Variants in KHDRBS2 observed in about 807,000 individuals in gnomAD.
KHDRBS2 encodes the protein KH domain-containing, RNA-binding, signal transduction-associated protein 2.
KHDRBS2 carries 26 observed loss-of-function variants against 44.3 expected under a neutral mutation model. That is an observed-to-expected ratio of 0.59 (90% CI 0.43 to 0.81). The LOEUF is 0.81. KHDRBS2 is among the 40% of genes least tolerant of loss of function. The pLI, the probability that KHDRBS2 is intolerant of heterozygous loss-of-function variation, is 0.00. For synonymous variants in KHDRBS2, 194 were observed against 151.1 expected, an observed-to-expected ratio of 1.28 and a Z score of -2.08; for missense variants, 476 against 433.1, an observed-to-expected ratio of 1.10 and a Z score of -0.88.
the KHDRBS2 span, among the ~76,000 whole-genome samples, chr6:61,660,214 G>T: frequency 1.3e-5 from 2 of 151,878 alleles, no homozygotes; most frequent in South Asian, 2.1e-4. Context: ...TTGTACAGGA[G>T]AATTTACGTG....
At chr6:61,709,772 T>C (rs1004077883) in intron 7 of KHDRBS2, among the ~76,000 whole-genome samples, 4 of 151,738 alleles carry the variant, frequency 2.6e-5, no homozygotes, top group African/African-American at 9.7e-5. Context: ...AACTGTTACA[T>C]GCTTTTGGTA....
chr6:61,720,878 C>G (rs1402088458), intron 7 of KHDRBS2, among the ~76,000 whole-genome samples: 2 of 150,760 alleles, frequency 1.3e-5, no homozygotes, highest in Admixed American at 6.6e-5. Flanking sequence ...AATGGTAATG[C>G]CTAGGTTTTC....
chr6:61,703,286 A>G (rs1768975276), intron 7 of KHDRBS2, among the ~76,000 whole-genome samples: 1 of 151,872 alleles, frequency 6.6e-6, no homozygotes, highest in African/African-American at 2.4e-5. Flanking sequence ...CATATTTTAA[A>G]AATTCATTTT....
At chr6:62,247,979 C>T (rs376216460) in intron 1 of KHDRBS2, among the ~76,000 whole-genome samples, 1 of 151,864 alleles carries the variant, frequency 6.6e-6, no homozygotes, top group Non-Finnish European at 1.5e-5. Flanking sequence ...GAATAGTAGT[C>T]GAAAACAAGT....
At chr6:62,004,894 C>G (rs749136157) in intron 3 of KHDRBS2, among the ~76,000 whole-genome samples, 1 of 152,018 alleles carries the variant, frequency 6.6e-6, no homozygotes, top group African/African-American at 2.4e-5. Flanking sequence ...ATCACATAAA[C>G]AGAACCAAAG....
chr6:61,732,653 A>T, intron 7 of KHDRBS2, 29 bp downstream of exon 7: 1 of 1,304,026 alleles, frequency 7.7e-7, no homozygotes. Flanking sequence ...TAATCCTGAG[A>T]AGGCTGCTTT....
rs547367039 is a variant in KHDRBS2, at chr6:61,954,529, T to C, written c.483+23537A>G. On this transcript the variant is annotated intron_variant, in intron 4 of 8. Transcript: ENST00000281156. ...ATATATATGAATATATACACATACATACGTATGTATACATATATATGTATA... is the reference window on the plus strand; with the variant it reads ...ATATATATGAATATATACACATACACACGTATGTATACATATATATGTATA... Among the ~76,000 whole-genome samples the C allele has an allele frequency of 1.3e-3, 196 of 147,922 alleles. 2 individuals are homozygous for C. The highest frequency in any genetic ancestry group is 4.6e-3 in the African/African-American group (185 of 40,482).
chr6:61,558,442 G>A, the KHDRBS2 span, among the ~76,000 whole-genome samples: 32,194 of 151,862 alleles, frequency 0.21, 3,677 homozygotes, highest in East Asian at 0.29. Context: ...CATGCCTATC[G>A]TTCCAGCCAC....
intron 6 of KHDRBS2, among the ~76,000 whole-genome samples, chr6:61,823,466 G>T (rs1485385817): frequency 2.0e-5 from 3 of 152,022 alleles, no homozygotes; most frequent in Non-Finnish European, 4.4e-5. Context: ...AGATTGGGAA[G>T]AATTTATCTG....
rs557320667 is a variant in KHDRBS2, at chr6:62,216,107, C to T, written c.92-38795G>A. Among the ~76,000 whole-genome samples, 4 of 151,572 alleles carry T rather than the reference C, an allele frequency of 2.6e-5. No homozygotes were observed. The South Asian group carries it at 6.3e-4, about 24-fold the overall frequency. On this transcript the variant is annotated intron_variant, in intron 1 of 8. Coordinates refer to ENST00000281156, the MANE Select transcript of KHDRBS2 (RefSeq NM_152688.4). ...CCCAACTAGATTCAACATTTTAATC[C>T]TTACTTAGCCAAAAGGTACATGAGT...
chr6:61,746,817 G>T (rs560973598), intron 6 of KHDRBS2, among the ~76,000 whole-genome samples: 1 of 152,000 alleles, frequency 6.6e-6, no homozygotes, highest in African/African-American at 2.4e-5. Flanking sequence ...CATAGGCATG[G>T]GTAAAGACTT....
the KHDRBS2 span, among the ~76,000 whole-genome samples, chr6:61,570,733 T>C: frequency 0.59 from 89,891 of 151,956 alleles, 26,791 homozygotes; most frequent in African/African-American, 0.61. Context: ...CTGCAGAAAC[T>C]TTACAGCTCA....
intron 4 of KHDRBS2, among the ~76,000 whole-genome samples, chr6:61,956,326 C>A (rs934356712): frequency 2.1e-4 from 32 of 152,144 alleles, no homozygotes; most frequent in African/African-American, 7.2e-4. Context: ...TTTCTGTGCA[C>A]CATCAACTAG....
chr6:62,094,447 A>G (rs1800133278), intron 2 of KHDRBS2, among the ~76,000 whole-genome samples: 1 of 151,924 alleles, frequency 6.6e-6, no homozygotes, highest in African/African-American at 2.4e-5. Flanking sequence ...CCCTTATCAA[A>G]CATATAGTTT....
chr6:61,771,073 A>G (rs1156680744), intron 6 of KHDRBS2, among the ~76,000 whole-genome samples: 1 of 152,196 alleles, frequency 6.6e-6, no homozygotes, highest in Non-Finnish European at 1.5e-5. Context: ...AGATTTTCAT[A>G]TCCAGCCAAA....
At chr6:62,277,080 A>G (rs961319980) in intron 1 of KHDRBS2, among the ~76,000 whole-genome samples, 1 of 152,196 alleles carries the variant, frequency 6.6e-6, no homozygotes, top group Non-Finnish European at 1.5e-5. Flanking sequence ...AATGGTAATA[A>G]TGATAAATCT....
chr6:62,094,832 C>T (rs1467918993), intron 2 of KHDRBS2, among the ~76,000 whole-genome samples: 2 of 151,754 alleles, frequency 1.3e-5, no homozygotes, highest in African/African-American at 4.8e-5. Flanking sequence ...TTCTCCTTTA[C>T]ACATACTTGG....
intron 1 of KHDRBS2, among the ~76,000 whole-genome samples, chr6:62,238,717 CACACACAT>C (rs1217000043): frequency 1.3e-5 from 2 of 151,706 alleles, no homozygotes; most frequent in South Asian, 2.1e-4. Context: ...CACACACACA[CACACACAT>C]ATATTTGAGT....
At chr6:61,641,735 G>T in the KHDRBS2 span, among the ~76,000 whole-genome samples, 1 of 152,058 alleles carries the variant, frequency 6.6e-6, no homozygotes, top group Non-Finnish European at 1.5e-5. Flanking sequence ...TGGCATAGTG[G>T]TCTGTACTTA....
Sources: gnomAD v4.1 joint callset for allele counts (sites outside exome capture counted in the v4.1 genomes callset) on GRCh38, gnomAD v4.1.1 for gene constraint, MANE v1.5 for transcripts, NCBI Gene and HGNC (gene_info 2026-07-23, HGNC 2026-07-21) for gene names.